The following PGGHG variants were observed in gnomAD, a reference collection of about 807,000 sequenced individuals.
PGGHG encodes the protein protein-glucosylgalactosylhydroxylysine glucosidase.
Under a neutral mutation model 74.5 loss-of-function variants are expected in PGGHG, and 67 were observed. That is an observed-to-expected ratio of 0.90 (90% CI 0.74 to 1.10). The LOEUF (loss-of-function observed/expected upper bound fraction) is 1.10, where lower values mean the gene tolerates loss of function less well. Ranked by LOEUF, PGGHG falls within the 50% of genes least tolerant of loss-of-function variation. PGGHG has a pLI of 0.00. For missense variants in PGGHG, 1,034 were observed against 981.5 expected (o/e 1.05, Z -0.72); for synonymous variants, 496 against 419.9 (o/e 1.18, Z -2.21).
chr11:295,093 GTGGT>G lies in PGGHG; in HGVS notation c.*345_*348del, dbSNP rs968935195. 9.3e-6 allele frequency: 2 copies of G among 214,676 alleles called. No homozygotes were observed. The highest frequency in any genetic ancestry group is 4.6e-5 in the African/African-American group (2 of 43,822). The allele number at this position is 214,676 out of a possible 1,614,324, so 13.3% of individuals were successfully genotyped here. ...CTCATCCCCCACTCTCCTGAGAGCA[GTGGT>G]CACAGCGGCCGGCCGCTCTGCTGAG... On this transcript the variant is annotated 3_prime_UTR_variant, in exon 14 of 14. Transcript: ENST00000409548.
At chr11:290,651 C>G in intron 3 of PGGHG, 27 bp from the exon 4 acceptor site, 1 of 1,609,828 alleles carries the variant, frequency 6.2e-7, no homozygotes. Flanking sequence ...GGGAGCTCAT[C>G]CCTGAGGCAT....
intron 4 of PGGHG, chr11:291,678 C>T (rs1404084024): frequency 1.9e-5 from 7 of 361,402 alleles, no homozygotes; most frequent in East Asian, 5.5e-5. Context: ...TCTCAGAGGC[C>T]GAGTCATTCA....
Position 294,749 on chromosome 11 carries a change from A to C in PGGHG, c.2214A>C (p.Ter738TyrextTer54). Residue 738 changes from the stop codon to tyrosine, a stop_lost, in exon 14 of 14, where the codon TAA (stop) becomes TAC (tyrosine). Coordinates refer to ENST00000409548, the MANE Select transcript of PGGHG (RefSeq NM_025092.5). Reference sequence around the variant, plus strand: ...TCACTGTGGACCCTGCCTCTGAATAATCAGGAACGGTGGCTTCAGAGACGT... The same window carrying C: ...TCACTGTGGACCCTGCCTCTGAATACTCAGGAACGGTGGCTTCAGAGACGT... ...ESLTVDPASE[*>Y] 6.3e-7 allele frequency: 1 copy of C among 1,589,676 alleles called. No homozygotes were observed. Among genetic ancestry groups the C allele is most frequent in the Non-Finnish European group, 8.6e-7 (1 of 1,165,342 alleles).
intron 4 of PGGHG, 120 bp downstream of exon 4, chr11:291,233 A>C (rs1845711864): frequency 8.0e-7 from 1 of 1,256,136 alleles, no homozygotes; most frequent in African/African-American, 1.5e-5. Context: ...GCAAAAGGGA[A>C]GAGGCCTGGA....
In PGGHG at chr11:289,212, T is replaced by G. The variant is rs1845642775; in HGVS notation, c.-41T>G. The G allele has an allele frequency of 6.6e-6, 1 of 150,836 alleles. No individual in the cohort carries two copies. Among genetic ancestry groups the G allele is most frequent in the African/African-American group, 2.4e-5 (1 of 41,000 alleles). 9.3% of individuals were successfully genotyped at this position (150,836 alleles called of 1,614,324 possible). A position where few individuals can be genotyped will look rare whatever the true frequency, so the allele number is the denominator to read the frequency against. The stretch of plus-strand genomic sequence containing the variant: ...AGCAGAGGGACACAGGTTCCCACGC[T>G]GGCGCCCGGCGACCGGGTGGGGCTG... On this transcript the variant is annotated 5_prime_UTR_variant, in exon 1 of 14. Coordinates refer to ENST00000409548, the MANE Select transcript of PGGHG (RefSeq NM_025092.5). This position sits in a 1 kb window ranked among gnomAD's most constrained non-coding sequence, Gnocchi z 5.6.
rs191955887 is a variant in PGGHG, at chr11:294,397, G to A, written c.1939G>A (p.Val647Ile). The part of the protein sequence containing the change: ...SFSEDSVTVE[V>I]TARAGPWAPH... Reference sequence around the variant, plus strand: ...TTCCGAGGACTCCGTGACCGTGGAGGTCACAGCTCGAGCAGGGCCCTGGGC... The same window carrying A: ...TTCCGAGGACTCCGTGACCGTGGAGATCACAGCTCGAGCAGGGCCCTGGGC... Residue 647 changes from valine (V) to isoleucine (I), a missense_variant, in exon 13 of 14, where the codon GTC (valine) becomes ATC (isoleucine). By Grantham distance (29) the Val-to-Ile change is conservative. Coordinates refer to ENST00000409548, the MANE Select transcript of PGGHG (RefSeq NM_025092.5). 12 of 1,611,614 alleles carry A rather than the reference G, an allele frequency of 7.4e-6. No individual in the cohort carries two copies. In the African/African-American group the frequency reaches 1.6e-4, roughly 22 times the overall value.
At chr11:292,747 G>C in intron 6 of PGGHG, 70 bp downstream of exon 6, 1 of 1,609,782 alleles carries the variant, frequency 6.2e-7, no homozygotes, top group Non-Finnish European at 8.5e-7. Context: ...ACTCCTCGTG[G>C]CTTCCTGTTT....
Position 290,425 on chromosome 11 carries a change from C to A in PGGHG, c.295C>A (p.Arg99=). ...FLHTLEGPRF[R]ASQCIYAHRT... ...TCACACCCTGGAGGGCCCCCGCTTC[C>A]GGGCCTCCCAGTGCATCTATGCGCA... is the stretch of plus-strand genomic sequence containing the variant. The change falls in exon 3 of 14, where the codon CGG becomes AGG. Residue 99 remains arginine, a synonymous_variant. Transcript: ENST00000409548. The A allele has an allele frequency of 6.5e-7, 1 of 1,548,124 alleles. No individual in the cohort carries two copies. Among genetic ancestry groups the A allele is most frequent in the Non-Finnish European group, 8.7e-7 (1 of 1,146,892 alleles).
At position 293,218 on chromosome 11, in the gene PGGHG, C is replaced by T. The variant is rs375907457; in HGVS notation, c.1326C>T (p.Asn442=). The T allele has an allele frequency of 9.3e-6, 15 of 1,613,542 alleles. No homozygotes were observed. The highest frequency in any genetic ancestry group is 6.7e-5 in the African/African-American group (5 of 74,912). The change falls in exon 8 of 14, where the codon AAC becomes AAT. Residue 442 remains asparagine (N), a synonymous_variant. Transcript: ENST00000409548. The part of the protein sequence containing the change: ...HSGVNNSVYT[N]VLVQNSLRFA... ...GGGTCAACAACTCTGTGTACACCAA[C>T]GTCCTGGTCCAGAACAGGTCAGACA...
chr11:293,801 C>G, intron 10 of PGGHG, 29 bp from the exon 11 acceptor site: 1 of 1,613,516 alleles, frequency 6.2e-7, no homozygotes. Flanking sequence ...GGGCCTCACC[C>G]CTGTGTGTCC....
chr11:294,495 C>T lies in PGGHG; in HGVS notation c.2020+17C>T, dbSNP rs1161173372. On this transcript the variant is annotated intron_variant, in intron 13 of 13. Transcript: ENST00000409548. ...TGTTGCCAGGTAGAACAGCCCCCAACAGCCCAGGTGCCTGCGACCCCAGGC... is the reference window on the plus strand; with the variant it reads ...TGTTGCCAGGTAGAACAGCCCCCAATAGCCCAGGTGCCTGCGACCCCAGGC... The T allele has an allele frequency of 6.2e-7, 1 of 1,605,512 alleles. No individual in the cohort carries two copies. Among genetic ancestry groups the T allele is most frequent in the Non-Finnish European group, 8.5e-7 (1 of 1,175,114 alleles).
At chr11:293,043 C>T (rs971003098) in intron 7 of PGGHG, 46 bp downstream of exon 7, 5 of 1,613,772 alleles carry the variant, frequency 3.1e-6, no homozygotes, top group East Asian at 4.5e-5. Context: ...GGTGGATGCT[C>T]CCAGACTCAG....
Position 290,776 on chromosome 11 carries a change from G to A in PGGHG, c.569G>A (p.Gly190Glu). ...CCAGCACCCCCAGACCTGACCCTTGGGGAAGGTGAGGAGGCTAGGACGTGG... is the reference window on the plus strand; with the variant it reads ...CCAGCACCCCCAGACCTGACCCTTGAGGAAGGTGAGGAGGCTAGGACGTGG... ...WTPAPPDLTL[G>E]EGEEARTWDF... Residue 190 changes from glycine (G) to glutamate (E), a missense_variant, in exon 4 of 14, where the codon GGG (glycine) becomes GAG (glutamate). Gly to Glu is a moderately conservative substitution (Grantham distance 98, BLOSUM62 -2). Transcript: ENST00000409548. 1 of 1,612,666 alleles carries A rather than the reference G, an allele frequency of 6.2e-7. No individual in the cohort carries two copies. Among genetic ancestry groups the A allele is most frequent in the South Asian group, 1.1e-5 (1 of 90,982 alleles).
rs1230766239 is a variant in PGGHG at position 294,605 on chromosome 11, C to G, written c.2070C>G (p.Pro690=). 6.2e-7 allele frequency: 1 copy of G among 1,613,524 alleles called. No homozygotes were observed. Among genetic ancestry groups the G allele is most frequent in the Non-Finnish European group, 8.5e-7 (1 of 1,179,908 alleles). Residue 690 remains proline, a synonymous_variant, in exon 14 of 14, where the codon CCC becomes CCG. Coordinates refer to ENST00000409548, the MANE Select transcript of PGGHG (RefSeq NM_025092.5). The part of the protein sequence containing the change: ...PRSAGRIQMS[P]PKLPGSSSSE... ...CGGCTGGCCGGATACAAATGTCACC[C>G]CCGAAGCTGCCTGGAAGTTCCAGCT...
rs1845778575 is a variant in PGGHG at position 293,190 on chromosome 11, CAG to C, written c.1299_1300del (p.Val435GlnfsTer37). ...GTCATGTCCCCCGACGAGTACCATTCAGGGGTCAACAACTCTGTGTACACCAA... is the reference window on the plus strand; with the variant it reads ...GTCATGTCCCCCGACGAGTACCATTCGGGTCAACAACTCTGTGTACACCAA... On this transcript the variant is annotated frameshift_variant, in exon 8 of 14. Transcript: ENST00000409548. LOFTEE classifies it high-confidence loss of function. 1 of 1,613,872 alleles carries C rather than the reference CAG, an allele frequency of 6.2e-7. No homozygotes were observed. Among genetic ancestry groups the C allele is most frequent in the African/African-American group, 1.3e-5 (1 of 75,050 alleles).
chr11:290,004 A>G lies in PGGHG; in HGVS notation c.188A>G (p.Asn63Ser), dbSNP rs147419109. ...THRAMLPSPL[N>S]VRLEAPAGMG... is the part of the protein sequence containing the mutation. ...CGGGCCATGCTGCCCAGCCCCCTCA[A>G]CGTCCGGCTGGAGGCCCCTGCAGGG... The change falls in exon 2 of 14, where the codon AAC (asparagine) becomes AGC (serine). Residue 63 changes from asparagine to serine, a missense_variant. Coordinates refer to ENST00000409548, the MANE Select transcript of PGGHG (RefSeq NM_025092.5). 16 of 1,548,010 alleles carry G rather than the reference A, an allele frequency of 1.0e-5. No homozygotes were observed. Among genetic ancestry groups the G allele is most frequent in the African/African-American group, 2.7e-5 (2 of 73,172 alleles).
rs1310378700 is a variant in PGGHG at position 289,753 on chromosome 11, A to T, written c.-13-51A>T. ...TCAGGGGATTACAGACGGTCTCAAG[A>T]GGGAGGCCCAGCCAGTCCCGCGGCC... On this transcript the variant is annotated intron_variant, in intron 1 of 13. Coordinates refer to ENST00000409548, the MANE Select transcript of PGGHG (RefSeq NM_025092.5). This position sits in a 1 kb window ranked among gnomAD's most constrained non-coding sequence, Gnocchi z 5.6. 6.7e-7 allele frequency: 1 copy of T among 1,502,530 alleles called. No homozygotes were observed. The highest frequency in any genetic ancestry group is 8.9e-7 in the Non-Finnish European group (1 of 1,123,216). The allele number at this position is 1,502,530 out of a possible 1,614,324, so 93.1% of individuals were successfully genotyped here. A position where few individuals can be genotyped will look rare whatever the true frequency, so the allele number is the denominator to read the frequency against.
Position 289,216 on chromosome 11 carries a change from G to C in PGGHG, c.-37G>C, listed in dbSNP as rs1845642874. 1 of 151,248 alleles carries C rather than the reference G, an allele frequency of 6.6e-6. No individual in the cohort carries two copies. The highest frequency in any genetic ancestry group is 6.6e-5 in the Admixed American group (1 of 15,222). 9.4% of individuals were successfully genotyped at this position (151,248 alleles called of 1,614,324 possible). A position where few individuals can be genotyped will look rare whatever the true frequency, so the allele number is the denominator to read the frequency against. ...GAGGGACACAGGTTCCCACGCTGGCGCCCGGCGACCGGGTGGGGCTGCGGT... is the reference window on the plus strand; with the variant it reads ...GAGGGACACAGGTTCCCACGCTGGCCCCCGGCGACCGGGTGGGGCTGCGGT... On this transcript the variant is annotated 5_prime_UTR_variant, in exon 1 of 14. Coordinates refer to ENST00000409548, the MANE Select transcript of PGGHG (RefSeq NM_025092.5). This position sits in a 1 kb window ranked among gnomAD's most constrained non-coding sequence, Gnocchi z 5.6.
Position 290,080 on chromosome 11 carries a change from C to A in PGGHG, c.259+5C>A. 3 of 1,520,126 alleles carry A rather than the reference C, an allele frequency of 2.0e-6. No individual in the cohort carries two copies. Among genetic ancestry groups the A allele is most frequent in the Non-Finnish European group, 2.6e-6 (3 of 1,134,990 alleles). 94.2% of individuals were successfully genotyped at this position (1,520,126 alleles called of 1,614,324 possible). On this transcript the variant is annotated splice_donor_5th_base_variant and intron_variant, in intron 2 of 13. Coordinates refer to ENST00000409548, the MANE Select transcript of PGGHG (RefSeq NM_025092.5). ...TCGCCCTGGACACCAACACAGGTAG[C>A]GCCACCTGGCCTGCCTCACCCCTGC...
Sources: allele counts gnomAD v4.1 joint callset, GRCh38; gene constraint gnomAD v4.1.1; non-coding constraint Gnocchi (gnomAD v3.1); transcripts MANE v1.5; gene names NCBI Gene and HGNC (gene_info 2026-07-23, HGNC 2026-07-21).